Variants in DCAF6 observed in about 807,000 individuals in gnomAD.
DCAF6 encodes DDB1- and CUL4-associated factor 6.
Under a neutral mutation model 125.1 loss-of-function variants are expected in DCAF6, and 54 were observed. The observed-to-expected ratio is 0.43, with a 90% CI of 0.35 to 0.54. The LOEUF (loss-of-function observed/expected upper bound fraction) is 0.54. Among genes scored for constraint, DCAF6 ranks in the 20% least tolerant of loss-of-function variants. The pLI is 0.01. For synonymous variants in DCAF6, 371 were observed against 390.4 expected (o/e 0.95, Z 0.58); for missense variants, 934 against 1,161.7 (o/e 0.80, Z 2.85).
At chr1:167,883,805 C>T in the DCAF6 span, among the ~76,000 whole-genome samples, 6 of 152,138 alleles carry the variant, frequency 3.9e-5, no homozygotes, top group Non-Finnish European at 8.8e-5. Flanking sequence ...ATCAAAATCC[C>T]TCTCTTCCAG....
chr1:168,023,737 C>T (rs973034361), intron 12 of DCAF6: 3 of 152,214 alleles, frequency 2.0e-5, no homozygotes, highest in Non-Finnish European at 4.4e-5. Flanking sequence ...CATGAAGGGA[C>T]ATCTGAAAAG....
chr1:168,000,566 C>T (rs758905074), intron 7 of DCAF6, among the ~76,000 whole-genome samples: 2 of 152,028 alleles, frequency 1.3e-5, no homozygotes, highest in Non-Finnish European at 2.9e-5. Flanking sequence ...ATGCTTAATT[C>T]AGCATTATTC....
rs1202699029 is a variant in DCAF6 at position 167,951,826 on chromosome 1, A to G, written c.124A>G (p.Lys42Glu). The G allele has an allele frequency of 7.5e-6, 12 of 1,605,698 alleles. No homozygotes were observed. Among genetic ancestry groups the G allele is most frequent in the Non-Finnish European group, 1.7e-6 (2 of 1,173,014 alleles). ...LGRREFIQRL[K>E]LEATLNVHDG... The stretch of plus-strand genomic sequence containing the variant: ...AAGAAGAGAATTTATCCAAAGATTA[A>G]AACTTGAAGCAACCCTTAATGTGCA... The change falls in exon 2 of 22, where the codon AAA becomes GAA. Residue 42 changes from lysine to glutamate, a missense_variant. Around this residue, in one of 5 missense-constraint regions of DCAF6, gnomAD observed 309 missense variants for 381.2 expected, o/e 0.81. Coordinates refer to ENST00000367840, the MANE Select transcript of DCAF6 (RefSeq NM_001198956.2).
chr1:167,903,643 T>C, the DCAF6 span, among the ~76,000 whole-genome samples: 1 of 152,314 alleles, frequency 6.6e-6, no homozygotes, highest in East Asian at 1.9e-4. Flanking sequence ...TTAAAAGCAG[T>C]GTATAATTCA....
the DCAF6 span, among the ~76,000 whole-genome samples, chr1:167,872,295 G>A: frequency 2.6e-5 from 4 of 151,548 alleles, no homozygotes; most frequent in African/African-American, 9.7e-5. Context: ...CCGAGATGGC[G>A]CCATTGCACT....
In DCAF6 at chr1:167,950,192, A is replaced by G. The variant is rs182112607; in HGVS notation, c.98-1608A>G. ...TTTTGACAAAGTTTCCAATACTTTAATATTTTAATGTGTTTTAATTGCTGT... is the reference window on the plus strand; with the variant it reads ...TTTTGACAAAGTTTCCAATACTTTAGTATTTTAATGTGTTTTAATTGCTGT... On this transcript the variant is annotated intron_variant, in intron 1 of 21. Transcript: ENST00000367840. Among the ~76,000 whole-genome samples, 420 of 152,312 alleles carry G rather than the reference A, an allele frequency of 2.8e-3. 1 individual carries two copies. Among genetic ancestry groups the G allele is most frequent in the Non-Finnish European group, 4.4e-3 (299 of 68,036 alleles).
the DCAF6 span, among the ~76,000 whole-genome samples, chr1:167,876,451 T>C: frequency 6.6e-6 from 1 of 152,142 alleles, no homozygotes; most frequent in East Asian, 1.9e-4. Flanking sequence ...TTAGTCAAAA[T>C]GGATTATGCC....
intron 18 of DCAF6, among the ~76,000 whole-genome samples, chr1:168,064,857 A>T (rs1692125151): frequency 6.6e-6 from 1 of 152,208 alleles, no homozygotes; most frequent in Non-Finnish European, 1.5e-5. Context: ...GCATTCATTT[A>T]AAAATGTCAT....
intron 12 of DCAF6, among the ~76,000 whole-genome samples, chr1:168,024,462 C>CT (rs781121310): frequency 2.2e-4 from 34 of 152,024 alleles, no homozygotes; most frequent in Non-Finnish European, 4.1e-4. Flanking sequence ...TATTCAGAAA[C>CT]TAATTTTAAA....
chr1:168,058,550 TCTC>T (rs1162136984), intron 17 of DCAF6, among the ~76,000 whole-genome samples: 3 of 152,134 alleles, frequency 2.0e-5, no homozygotes, highest in Non-Finnish European at 4.4e-5. Flanking sequence ...TTCAGCCTGA[TCTC>T]CTGATCTGGT....
At position 168,025,874 on chromosome 1, in the gene DCAF6, C is replaced by T. The variant is rs375603904; in HGVS notation, c.1609+2827C>T. ...GAACCCAAATCCATACCTTGGCTTA[C>T]AAAACCTACATGACTTGATTTCTGT... is the stretch of plus-strand genomic sequence containing the variant. On this transcript the variant is annotated intron_variant, in intron 12 of 21. Transcript: ENST00000367840. 7.7e-4 allele frequency among the ~76,000 whole-genome samples: 117 copies of T among 152,334 alleles called. 1 individual carries two copies. In the South Asian group the frequency reaches 0.022, roughly 29 times the overall value.
At chr1:167,892,985 C>G in the DCAF6 span, among the ~76,000 whole-genome samples, 7 of 152,108 alleles carry the variant, frequency 4.6e-5, no homozygotes, top group Non-Finnish European at 1.0e-4. Flanking sequence ...CTACCAAGGA[C>G]TGTAAAGAAT....
Position 167,936,737 on chromosome 1 carries a change from C to T in DCAF6, c.-175C>T, listed in dbSNP as rs1386997240. The T allele has an allele frequency of 1.0e-5, 6 of 601,606 alleles. No individual in the cohort carries two copies. The highest frequency in any genetic ancestry group is 8.0e-5 in the South Asian group (4 of 49,734). 37.3% of individuals were successfully genotyped at this position (601,606 alleles called of 1,614,324 possible). A position where few individuals can be genotyped will look rare whatever the true frequency, so the allele number is the denominator to read the frequency against. ...TATGAGGCGAGCTCCGGCCCGGGTG[C>T]GGCCGGGCTTCAGGGGCCCAGGCGC... On this transcript the variant is annotated 5_prime_UTR_variant, in exon 1 of 22. Transcript: ENST00000367840.
At chr1:168,022,803 G>A (rs769157653) in intron 11 of DCAF6, among the ~76,000 whole-genome samples, 185 bp from the exon 12 acceptor site, 4 of 152,194 alleles carry the variant, frequency 2.6e-5, no homozygotes, top group Non-Finnish European at 5.9e-5. Flanking sequence ...GTTACTAAAT[G>A]CTTGCCTGGA....
In DCAF6 at chr1:168,004,804, G is replaced by C; in HGVS notation, c.1378+11G>C. 1.2e-6 allele frequency: 2 copies of C among 1,607,974 alleles called. No individual in the cohort carries two copies. Among genetic ancestry groups the C allele is most frequent in the Non-Finnish European group, 1.7e-6 (2 of 1,175,964 alleles). ...CACATCATCAGTCTGGTGAGGATAA[G>C]TATGCTGTGGTTCATCTAATGATTT... On this transcript the variant is annotated intron_variant, in intron 10 of 21. Transcript: ENST00000367840.
chr1:168,057,814 C>T (rs550117035), intron 17 of DCAF6, among the ~76,000 whole-genome samples: 55 of 152,234 alleles, frequency 3.6e-4, no homozygotes, highest in African/African-American at 1.3e-3. Flanking sequence ...TGGTTTGTGA[C>T]ACATTATCAT....
At chr1:167,981,981 T>A (rs1679235240) in intron 4 of DCAF6, among the ~76,000 whole-genome samples, 1 of 152,232 alleles carries the variant, frequency 6.6e-6, no homozygotes, top group South Asian at 2.1e-4. Flanking sequence ...CGAATTTACA[T>A]TCCCACCAAG....
At chr1:167,992,545 T>C (rs1205452391) in intron 6 of DCAF6, among the ~76,000 whole-genome samples, 1 of 152,204 alleles carries the variant, frequency 6.6e-6, no homozygotes, top group Non-Finnish European at 1.5e-5. Flanking sequence ...AATAATAGGC[T>C]TAATTATTGT....
At chr1:167,993,537 G>A (rs1483459509) in intron 7 of DCAF6, 97 bp downstream of exon 7, 1 of 973,544 alleles carries the variant, frequency 1.0e-6, no homozygotes, top group African/African-American at 1.6e-5. Context: ...ATCACCTGCG[G>A]TTGGGAGTTT....
Sources: allele counts gnomAD v4.1 joint callset (sites outside exome capture counted in the v4.1 genomes callset), GRCh38; gene constraint gnomAD v4.1.1; regional missense constraint gnomAD v4.1.1; transcripts MANE v1.5; gene names NCBI Gene and HGNC (gene_info 2026-07-23, HGNC 2026-07-21).